The following PIK3AP1 variants were observed in gnomAD, a reference collection of about 807,000 sequenced individuals.
The protein encoded by PIK3AP1 is phosphoinositide-3-kinase adaptor protein 1.
PIK3AP1 carries 21 observed loss-of-function variants against 88.1 expected under a neutral mutation model. The observed-to-expected ratio is 0.24, with a 90% confidence interval of 0.17 to 0.34. The LOEUF (loss-of-function observed/expected upper bound fraction) is 0.34. Ranked by LOEUF, PIK3AP1 falls within the 10% of genes least tolerant of loss-of-function variation. The probability of loss-of-function intolerance (pLI) is 1.00; values close to 1 mark genes in which losing one functional copy is unlikely to be tolerated. For missense variants in PIK3AP1, 828 were observed against 1,035.7 expected (o/e 0.80, Z 2.75); for synonymous variants, 398 against 400.0 (o/e 1.00, Z 0.06).
chr10:96,645,215 A>G (rs941289703), intron 8 of PIK3AP1, among the ~76,000 whole-genome samples: 1 of 152,206 alleles, frequency 6.6e-6, no homozygotes, highest in Admixed American at 6.5e-5. Context: ...CTCTCAGATC[A>G]CGAGGCAATG....
intron 8 of PIK3AP1, among the ~76,000 whole-genome samples, chr10:96,635,006 G>A (rs7073402): frequency 0.045 from 6,778 of 152,196 alleles, 430 homozygotes; most frequent in African/African-American, 0.15. Flanking sequence ...CACTGATGCC[G>A]TCTCTCTGGT....
chr10:96,652,930 T>G (rs1015111080), intron 3 of PIK3AP1, 88 bp from the exon 4 acceptor site: 15 of 1,416,406 alleles, frequency 1.1e-5, no homozygotes, highest in Non-Finnish European at 1.4e-5. Flanking sequence ...TCTCTTGCCC[T>G]AGCTCTACCT....
intron 13 of PIK3AP1, among the ~76,000 whole-genome samples, chr10:96,612,970 ATATATATATATATTTTTTTTTTTTT>A (rs1849144388): frequency 8.4e-5 from 9 of 107,192 alleles, no homozygotes; most frequent in Middle Eastern, 4.9e-3. Flanking sequence ...ATATATATAT[ATATATATATATATTTTTTTTTTTTT>A]TTTTTTTTTT....
At chr10:96,668,869 C>G (rs562417425) in intron 2 of PIK3AP1, among the ~76,000 whole-genome samples, 1 of 152,298 alleles carries the variant, frequency 6.6e-6, no homozygotes, top group East Asian at 1.9e-4. Context: ...GTGGCTCACA[C>G]CTGTAATCCC....
intron 2 of PIK3AP1, among the ~76,000 whole-genome samples, chr10:96,692,046 AT>A (rs1444058339): frequency 8.5e-5 from 13 of 152,310 alleles, no homozygotes; most frequent in Admixed American, 7.9e-4. Context: ...CAAAAGAGAA[AT>A]TTTTTGAAGT....
rs114527784 is a variant in PIK3AP1 at position 96,634,676 on chromosome 10, C to T, written c.1376-6183G>A. ...CTAACAGTGCCAGGCACTACATTTT[C>T]ATGGGTATCATTATTATTATATTGA... On this transcript the variant is annotated intron_variant, in intron 8 of 16. Coordinates refer to ENST00000339364, the MANE Select transcript of PIK3AP1 (RefSeq NM_152309.3). Among the ~76,000 whole-genome samples, 616 of 152,308 alleles carry T rather than the reference C, an allele frequency of 4.0e-3. 2 individuals carry two copies. Among genetic ancestry groups the T allele is most frequent in the African/African-American group, 0.014 (590 of 41,560 alleles).
chr10:96,699,114 G>A (rs1357521941), intron 2 of PIK3AP1, among the ~76,000 whole-genome samples: 1 of 152,124 alleles, frequency 6.6e-6, no homozygotes, highest in Non-Finnish European at 1.5e-5. Context: ...AACCCAGGAG[G>A]TGGAGGTTGC....
At chr10:96,610,882 C>T (rs1359324395) in intron 13 of PIK3AP1, among the ~76,000 whole-genome samples, 1 of 152,208 alleles carries the variant, frequency 6.6e-6, no homozygotes, top group African/African-American at 2.4e-5. Context: ...GGGACCTTCT[C>T]AAGCCCAGGG....
chr10:96,664,241 A>G (rs1843731221), intron 2 of PIK3AP1, among the ~76,000 whole-genome samples: 1 of 152,240 alleles, frequency 6.6e-6, no homozygotes, highest in Admixed American at 6.5e-5. Flanking sequence ...GACATGGGTA[A>G]AAGCTTACGG....
rs140576354 is a variant in PIK3AP1, at chr10:96,597,275, C to T, written c.2361-1641G>A. On this transcript the variant is annotated intron_variant, in intron 16 of 16. Coordinates refer to ENST00000339364, the MANE Select transcript of PIK3AP1 (RefSeq NM_152309.3). Reference sequence around the variant, plus strand: ...CTTTTTTTCTTTCTTTCTTTCTTTCCTTCCTTCCTTCCTTCCTTCCTTCCT... The same window carrying T: ...CTTTTTTTCTTTCTTTCTTTCTTTCTTTCCTTCCTTCCTTCCTTCCTTCCT... 0.015 allele frequency among the ~76,000 whole-genome samples: 231 copies of T among 15,294 alleles called. No homozygotes were observed. The East Asian group carries it at 0.21, about 14-fold the overall frequency. 10.0% of individuals were successfully genotyped at this position (15,294 alleles called of 152,430 possible).
chr10:96,703,807 C>T (rs1300415491), intron 2 of PIK3AP1, among the ~76,000 whole-genome samples: 13 of 152,200 alleles, frequency 8.5e-5, no homozygotes, highest in Admixed American at 8.5e-4. Flanking sequence ...TCTTAGAAAA[C>T]TTATAATGGT....
intron 2 of PIK3AP1, chr10:96,669,625 T>C (rs1843814417): frequency 6.6e-6 from 1 of 152,006 alleles, no homozygotes; most frequent in African/African-American, 2.4e-5. Context: ...ACGCTGTCTC[T>C]ACCAAAAATA....
At chr10:96,711,739 ATTTTTTTT>A (rs763923650) in intron 1 of PIK3AP1, among the ~76,000 whole-genome samples, 11 of 66,446 alleles carry the variant, frequency 1.7e-4, no homozygotes, top group African/African-American at 6.3e-4. Flanking sequence ...AGATTACCAA[ATTTTTTTT>A]TTTTTTTTTT....
chr10:96,602,469 C>T lies in PIK3AP1; in HGVS notation c.2242-71G>A. The T allele has an allele frequency of 4.5e-6, 6 of 1,335,386 alleles. No homozygotes were observed. The South Asian group carries it at 7.1e-5, about 16-fold the overall frequency. The allele number at this position is 1,335,386 out of a possible 1,614,324, so 82.7% of individuals were successfully genotyped here. On this transcript the variant is annotated intron_variant, in intron 15 of 16. Coordinates refer to ENST00000339364, the MANE Select transcript of PIK3AP1 (RefSeq NM_152309.3). ...AACCAGCATAGCTGGACAACCGTAA[C>T]TCAAAAGCCCCTTGGTCCTCCTTAG...
In PIK3AP1 at chr10:96,594,209, A is replaced by AAAT. The variant is rs1462961342; in HGVS notation, c.*1365_*1367dup. 4.6e-5 allele frequency: 7 copies of AAAT among 152,222 alleles called. No individual in the cohort carries two copies. The highest frequency in any genetic ancestry group is 3.3e-4 in the Admixed American group (5 of 15,288). 9.4% of individuals were successfully genotyped at this position (152,222 alleles called of 1,614,324 possible). ...ATGGTGGTAATAATAAGTATGTAAAAAATAGATAACTACAGTCGTACTTTG... is the reference window on the plus strand; with the variant it reads ...ATGGTGGTAATAATAAGTATGTAAAAAATAATAGATAACTACAGTCGTACTTTG... On this transcript the variant is annotated 3_prime_UTR_variant, in exon 17 of 17. Coordinates refer to ENST00000339364, the MANE Select transcript of PIK3AP1 (RefSeq NM_152309.3). The surrounding 1 kb of genome is among the most constrained non-coding windows in gnomAD (Gnocchi z 4.6).
At chr10:96,679,393 T>C in intron 2 of PIK3AP1, among the ~76,000 whole-genome samples, 1 of 151,940 alleles carries the variant, frequency 6.6e-6, no homozygotes, top group East Asian at 1.9e-4. Context: ...CCAGGTGTGG[T>C]GGTGGGTGCT....
chr10:96,612,975 T>C (rs1340055174), intron 13 of PIK3AP1, among the ~76,000 whole-genome samples: 3 of 70,000 alleles, frequency 4.3e-5, no homozygotes, highest in Non-Finnish European at 8.0e-5. Flanking sequence ...TATATATATA[T>C]ATATATATTT....
intron 2 of PIK3AP1, among the ~76,000 whole-genome samples, chr10:96,686,153 T>G (rs900835961): frequency 3.3e-5 from 5 of 152,236 alleles, no homozygotes; most frequent in African/African-American, 1.2e-4. Flanking sequence ...AGTCAACGCA[T>G]ATTTTTGTCA....
intron 16 of PIK3AP1, among the ~76,000 whole-genome samples, chr10:96,597,374 CTCTTTCTT>C (rs1332565836): frequency 4.0e-4 from 4 of 9,926 alleles, no homozygotes; most frequent in South Asian, 9.6e-3. Flanking sequence ...CTCTCTCTCT[CTCTTTCTT>C]TCTTTCTTTC....
Sources: allele counts gnomAD v4.1 joint callset (sites outside exome capture counted in the v4.1 genomes callset), GRCh38; gene constraint gnomAD v4.1.1; non-coding constraint Gnocchi (gnomAD v3.1); transcripts MANE v1.5; gene names NCBI Gene and HGNC (gene_info 2026-07-23, HGNC 2026-07-21).